The following AFDN variants were observed in gnomAD, a reference collection of about 807,000 sequenced individuals.
AFDN encodes afadin.
AFDN carries 68 observed loss-of-function variants against 216.6 expected under a neutral mutation model. The ratio of observed to expected loss-of-function variants is 0.31; its 90% confidence interval spans 0.26 to 0.38. The LOEUF is 0.38. Ranked by LOEUF, AFDN falls within the 10% of genes least tolerant of loss-of-function variation. AFDN has a pLI of 1.00. For synonymous variants in AFDN, 868 were observed against 853.7 expected (o/e 1.02, Z -0.29); for missense variants, 2,136 against 2,342.0 (o/e 0.91, Z 1.82).
intron 13 of AFDN, among the ~76,000 whole-genome samples, chr6:167,909,098 AG>A (rs1233664228): frequency 6.6e-6 from 1 of 152,170 alleles, no homozygotes; most frequent in Non-Finnish European, 1.5e-5. Context: ...ATAACTGCCT[AG>A]CTACAATTTT....
Position 167,925,108 on chromosome 6 carries a change from C to T in AFDN, c.3099+17C>T, listed in dbSNP as rs371635837. On this transcript the variant is annotated intron_variant, in intron 23 of 33. Transcript: ENST00000683244. ...GCAGCAAAGGTAGGCCAATTAGTCACGTGCGAGTTGTTCTCTCCAGTCTTT... is the reference window on the plus strand; with the variant it reads ...GCAGCAAAGGTAGGCCAATTAGTCATGTGCGAGTTGTTCTCTCCAGTCTTT... 8 of 1,578,080 alleles carry T rather than the reference C, an allele frequency of 5.1e-6. No individual in the cohort carries two copies. Among genetic ancestry groups the T allele is most frequent in the African/African-American group, 2.7e-5 (2 of 74,276 alleles).
intron 1 of AFDN, among the ~76,000 whole-genome samples, chr6:167,841,934 C>T: frequency 6.6e-6 from 1 of 151,810 alleles, no homozygotes; most frequent in African/African-American, 2.4e-5. Flanking sequence ...TTCTTCTTAC[C>T]TCCCATTCAC....
upstream of AFDN, chr6:167,826,750 C>T: frequency 2.7e-6 from 1 of 368,690 alleles, no homozygotes; most frequent in Non-Finnish European, 5.4e-6. Flanking sequence ...GGCCCGCCCT[C>T]CGACACCTCC....
At chr6:167,918,684 G>A in intron 20 of AFDN, 51 bp from the exon 21 acceptor site, 1 of 1,556,914 alleles carries the variant, frequency 6.4e-7, no homozygotes, top group Non-Finnish European at 8.8e-7. Flanking sequence ...TTGGTCACAT[G>A]CACCAGGCAG....
At chr6:167,833,849 T>C (rs149925470) in intron 1 of AFDN, among the ~76,000 whole-genome samples, 166 of 152,338 alleles carry the variant, frequency 1.1e-3, no homozygotes, top group Non-Finnish European at 1.7e-3. Context: ...TAAACATGCT[T>C]AGTATAAAAT....
intron 8 of AFDN, chr6:167,893,574 G>T: frequency 2.8e-6 from 1 of 357,480 alleles, no homozygotes. Context: ...GTAGCCCTCT[G>T]TATGATTAAC....
chr6:167,827,080 C>A lies in AFDN; in HGVS notation c.-53C>A. 3 of 1,019,696 alleles carry A rather than the reference C, an allele frequency of 2.9e-6. No homozygotes were observed. Among genetic ancestry groups the A allele is most frequent in the South Asian group, 4.2e-5 (2 of 47,900 alleles). 63.2% of individuals were successfully genotyped at this position (1,019,696 alleles called of 1,614,324 possible). ...CGGGCCCCCGCGGACCTGTCGTCCT[C>A]GGCCCGTCCTCCGGCCCCGGCCCCG... On this transcript the variant is annotated 5_prime_UTR_variant, in exon 1 of 34. Coordinates refer to ENST00000683244, the MANE Select transcript of AFDN (RefSeq NM_001386888.1).
rs185231306 is a variant in AFDN at position 167,951,554 on chromosome 6, C to A, written c.4200C>A (p.Ser1400=). ...SMDLPLPPPP[S]ANQIGLPSAQ... is the part of the protein sequence containing the mutation. ...ATTTGCCTCTCCCACCACCCCCTTC[C>A]GCCAACCAGATAGGGCTGCCGTCTG... Residue 1400 remains serine, a synonymous_variant, in exon 30 of 34, where the codon TCC becomes TCA. Coordinates refer to ENST00000683244, the MANE Select transcript of AFDN (RefSeq NM_001386888.1). This position sits in a 1 kb window ranked among gnomAD's most constrained non-coding sequence, Gnocchi z 7.1. The A allele has an allele frequency of 3.1e-6, 5 of 1,613,760 alleles. No individual in the cohort carries two copies. In the Admixed American group the frequency reaches 5.0e-5, roughly 16 times the overall value.
rs540215479 is a variant in AFDN, at chr6:167,963,530, C to G, written c.4968+963C>G. 1.9e-5 allele frequency: 20 copies of G among 1,056,122 alleles called. No homozygotes were observed. The South Asian group carries it at 2.7e-4, about 14-fold the overall frequency. The allele number at this position is 1,056,122 out of a possible 1,614,324, so 65.4% of individuals were successfully genotyped here. Reference sequence around the variant, plus strand: ...AGGGAGTTTTTTGTAGTGATATGCTCTATTAGGATACAGAACAATCTAAGA... The same window carrying G: ...AGGGAGTTTTTTGTAGTGATATGCTGTATTAGGATACAGAACAATCTAAGA... On this transcript the variant is annotated intron_variant, in intron 31 of 33. Transcript: ENST00000683244.
At chr6:167,859,260 G>C (rs1783264626) in intron 1 of AFDN, among the ~76,000 whole-genome samples, 1 of 152,144 alleles carries the variant, frequency 6.6e-6, no homozygotes, top group Non-Finnish European at 1.5e-5. Flanking sequence ...ACCTAAAGCT[G>C]TTAACACCTT....
intron 12 of AFDN, 70 bp from the exon 13 acceptor site, chr6:167,907,101 G>C: frequency 8.8e-7 from 1 of 1,137,788 alleles, no homozygotes; most frequent in South Asian, 1.3e-5. Context: ...ATCTCTGCTT[G>C]CAACGCTGAG....
intron 8 of AFDN, among the ~76,000 whole-genome samples, chr6:167,893,361 A>T (rs1014927538): frequency 6.6e-6 from 1 of 152,206 alleles, no homozygotes; most frequent in Non-Finnish European, 1.5e-5. Context: ...ATGGATAAGT[A>T]CTGTATTTCC....
At chr6:167,878,586 A>ACTCTCT (rs372904036) in intron 5 of AFDN, among the ~76,000 whole-genome samples, 6 of 139,436 alleles carry the variant, frequency 4.3e-5, no homozygotes, top group East Asian at 2.4e-4. Context: ...ACACACACCC[A>ACTCTCT]CTCTCTCTCT....
chr6:167,937,575 T>A (rs73034975), intron 23 of AFDN, among the ~76,000 whole-genome samples: 1 of 88,334 alleles, frequency 1.1e-5, no homozygotes, highest in South Asian at 5.4e-4. Context: ...AATGAAAACC[T>A]CCTTTTGTGA....
At chr6:167,935,004 G>A (rs1793806067) in intron 23 of AFDN, among the ~76,000 whole-genome samples, 1 of 152,162 alleles carries the variant, frequency 6.6e-6, no homozygotes, top group Admixed American at 6.5e-5. Flanking sequence ...TTGAATGTAT[G>A]GCAGCTGAGT....
intron 33 of AFDN, among the ~76,000 whole-genome samples, chr6:167,969,481 T>C (rs1260956366): frequency 1.3e-5 from 2 of 152,218 alleles, no homozygotes; most frequent in African/African-American, 4.8e-5. Context: ...ATTTTAAAAC[T>C]GTACCCCTCA....
chr6:167,827,107 G>A lies in AFDN; in HGVS notation c.-26G>A, dbSNP rs760317158. On this transcript the variant is annotated 5_prime_UTR_variant, in exon 1 of 34. Transcript: ENST00000683244. The stretch of plus-strand genomic sequence containing the variant: ...GCCCGTCCTCCGGCCCCGGCCCCGC[G>A]CGGCTGAGGAGGCGCGGCCAGGACC... 9.9e-6 allele frequency: 12 copies of A among 1,209,138 alleles called. No individual in the cohort carries two copies. In the South Asian group the frequency reaches 1.8e-4, roughly 18 times the overall value. 74.9% of individuals were successfully genotyped at this position (1,209,138 alleles called of 1,614,324 possible). A position where few individuals can be genotyped will look rare whatever the true frequency, so the allele number is the denominator to read the frequency against.
chr6:167,849,717 GTAT>G (rs1326798658), intron 1 of AFDN, among the ~76,000 whole-genome samples: 2 of 152,192 alleles, frequency 1.3e-5, no homozygotes, highest in Admixed American at 6.5e-5. Context: ...GGAGTTAAGA[GTAT>G]TATTCTAGTG....
intron 2 of AFDN, among the ~76,000 whole-genome samples, chr6:167,867,806 A>G (rs531581306): frequency 6.6e-6 from 1 of 152,292 alleles, no homozygotes; most frequent in East Asian, 1.9e-4. Context: ...GTATATAATT[A>G]CCTGGATAAT....
Sources: allele counts gnomAD v4.1 joint callset (sites outside exome capture counted in the v4.1 genomes callset), GRCh38; gene constraint gnomAD v4.1.1; non-coding constraint Gnocchi (gnomAD v3.1); transcripts MANE v1.5; gene names NCBI Gene and HGNC (gene_info 2026-07-23, HGNC 2026-07-21).